The following HTR2C variants were observed in gnomAD, a reference collection of about 807,000 sequenced individuals.
HTR2C encodes 5-hydroxytryptamine (serotonin) receptor 2C, G protein-coupled.
In HTR2C, 5 loss-of-function variants were observed where a neutral mutation model predicts 21.0. The observed-to-expected ratio is 0.24, with a 90% CI of 0.12 to 0.50. The LOEUF (loss-of-function observed/expected upper bound fraction) is 0.50. Among genes scored for constraint, HTR2C ranks in the 20% least tolerant of loss-of-function variants. The pLI, the probability that HTR2C is intolerant of heterozygous loss-of-function variation, is 0.98. For synonymous variants in HTR2C, 150 were observed against 145.3 expected (o/e 1.03, Z -0.23); for missense variants, 271 against 371.2 (o/e 0.73, Z 2.22).
chrX:114,677,346 T>A (rs2147852558), intron 2 of HTR2C, among the ~76,000 whole-genome samples: 1 of 111,497 alleles, frequency 9.0e-6, no homozygotes, highest in South Asian at 3.8e-4. Context: ...AGGGCCTAGA[T>A]AAAAGGAAGA....
chrX:114,859,521 T>G (rs2070989964), intron 5 of HTR2C, among the ~76,000 whole-genome samples: 1 of 111,651 alleles, frequency 9.0e-6, no homozygotes, highest in Non-Finnish European at 1.9e-5. Flanking sequence ...ATCCTTTTAA[T>G]GTCTATATAA....
intron 2 of HTR2C, among the ~76,000 whole-genome samples, chrX:114,614,212 T>G (rs1296802680): frequency 9.0e-6 from 1 of 111,001 alleles, no homozygotes; most frequent in Non-Finnish European, 1.9e-5. Context: ...GTTAGCGAAG[T>G]TCAATTTTCT....
intron 2 of HTR2C, among the ~76,000 whole-genome samples, chrX:114,660,849 G>A (rs920967986): frequency 8.9e-6 from 1 of 111,791 alleles, no homozygotes; most frequent in African/African-American, 3.3e-5. Context: ...TATTTTGAAC[G>A]TTTGTGGCCT....
intron 4 of HTR2C, among the ~76,000 whole-genome samples, chrX:114,784,832 G>T (rs934327775): frequency 1.8e-5 from 2 of 109,995 alleles, no homozygotes; most frequent in Admixed American, 9.8e-5. Flanking sequence ...CGTTAGCCAG[G>T]ATGATCTCGA....
chrX:114,817,872 A>G (rs782138181), intron 4 of HTR2C, among the ~76,000 whole-genome samples: 1 of 111,733 alleles, frequency 8.9e-6, no homozygotes, highest in Non-Finnish European at 1.9e-5. Flanking sequence ...TCCTGATGCC[A>G]AAATCAAACA....
At chrX:114,709,713 C>G (rs968394376) in intron 2 of HTR2C, among the ~76,000 whole-genome samples, 3 of 111,337 alleles carry the variant, frequency 2.7e-5, no homozygotes, top group Admixed American at 9.6e-5. Context: ...TGCCTTTCTT[C>G]CTTCTGTTCT....
chrX:114,591,289 G>A (rs1927620664), intron 1 of HTR2C, among the ~76,000 whole-genome samples: 1 of 111,586 alleles, frequency 9.0e-6, no homozygotes, highest in Non-Finnish European at 1.9e-5. Context: ...AAGATCTGGT[G>A]TCTCTCCAAC....
At chrX:114,598,648 C>T (rs933969116) in intron 1 of HTR2C, among the ~76,000 whole-genome samples, 1 of 111,039 alleles carries the variant, frequency 9.0e-6, no homozygotes, top group Non-Finnish European at 1.9e-5. Context: ...AATTAATAGT[C>T]CAAATACCAT....
chrX:114,697,342 A>G (rs1347168541), intron 2 of HTR2C, among the ~76,000 whole-genome samples: 1 of 112,363 alleles, frequency 8.9e-6, no homozygotes, highest in Non-Finnish European at 1.9e-5. Context: ...ATTAGTTCAT[A>G]TTAATCCAAA....
chrX:114,769,775 G>GT (rs782276603), intron 4 of HTR2C, among the ~76,000 whole-genome samples: 3 of 109,986 alleles, frequency 2.7e-5, no homozygotes, highest in South Asian at 3.7e-4. Context: ...ATAGTTTTGT[G>GT]TTTTTTTTCA....
chrX:114,845,364 A>T (rs1328877834), intron 4 of HTR2C, among the ~76,000 whole-genome samples: 3 of 110,756 alleles, frequency 2.7e-5, no homozygotes, highest in African/African-American at 9.8e-5. Flanking sequence ...GGATGCATCA[A>T]AAGCTGCGCT....
chrX:114,644,354 AATAAATAAATATATATATATATATAT>A (rs1260223788), intron 2 of HTR2C, among the ~76,000 whole-genome samples: 11 of 18,652 alleles, frequency 5.9e-4, no homozygotes, highest in Non-Finnish European at 1.1e-3. Flanking sequence ...AAAATAAATA[AATAAATAAATATATATATATATATAT>A]ATATATATAT....
At chrX:114,721,667 T>C (rs1933222228) in intron 2 of HTR2C, among the ~76,000 whole-genome samples, 1 of 109,764 alleles carries the variant, frequency 9.1e-6, no homozygotes, top group African/African-American at 3.3e-5. Context: ...TGTTTAAATC[T>C]TTAATCCATC....
At chrX:114,826,999 C>G (rs1556458721) in intron 4 of HTR2C, among the ~76,000 whole-genome samples, 1 of 56,269 alleles carries the variant, frequency 1.8e-5, no homozygotes, top group Admixed American at 3.0e-4. Context: ...TACTATATTT[C>G]TTTGTACAGT....
At chrX:114,768,334 G>T (rs1482216243) in intron 4 of HTR2C, among the ~76,000 whole-genome samples, 1 of 110,707 alleles carries the variant, frequency 9.0e-6, no homozygotes, top group African/African-American at 3.3e-5. Flanking sequence ...AGCTGAATGT[G>T]AAAATATTTA....
At chrX:114,623,326 T>G (rs1556402146) in intron 2 of HTR2C, among the ~76,000 whole-genome samples, 1 of 112,224 alleles carries the variant, frequency 8.9e-6, no homozygotes, top group Non-Finnish European at 1.9e-5. Flanking sequence ...TAACTATTGT[T>G]TTCTTGCTAG....
At position 114,906,921 on chromosome X, in the gene HTR2C, C is replaced by G. The variant is rs200607550; in HGVS notation, c.883C>G (p.Arg295Gly). Residue 295 changes from arginine (R) to glycine (G), a missense_variant, in exon 6 of 6, where the codon CGT becomes GGT. By Grantham distance (125) the Arg-to-Gly change is moderately radical. Around this residue, in one of 5 missense-constraint regions of HTR2C, gnomAD observed 192 missense variants for 247.2 expected, o/e 0.78. Coordinates refer to ENST00000276198, the MANE Select transcript of HTR2C (RefSeq NM_000868.4). Reference protein sequence around the residue: ...NARRRKKKERRPRGTMQAINN... With the variant: ...NARRRKKKERGPRGTMQAINN... ...ACGCCGAAGAAAGAAGAAGGAGAGA[C>G]GTCCTAGGGGCACCATGCAGGCTAT... The G allele has an allele frequency of 1.3e-5, 16 of 1,210,520 alleles. No homozygotes were observed. The highest frequency in any genetic ancestry group is 1.5e-5 in the Non-Finnish European group (13 of 894,796).
At chrX:114,650,442 C>T (rs1930516412) in intron 2 of HTR2C, among the ~76,000 whole-genome samples, 1 of 111,522 alleles carries the variant, frequency 9.0e-6, no homozygotes, top group Non-Finnish European at 1.9e-5. Flanking sequence ...ATCATTTTGT[C>T]ACAGTGGTTC....
At chrX:114,674,768 T>C (rs942780591) in intron 2 of HTR2C, among the ~76,000 whole-genome samples, 3 of 111,765 alleles carry the variant, frequency 2.7e-5, no homozygotes, top group African/African-American at 6.5e-5. Context: ...ATGTAAGTTA[T>C]GGTTGAGTGT....
Sources: allele counts gnomAD v4.1 joint callset (sites outside exome capture counted in the v4.1 genomes callset), GRCh38; gene constraint gnomAD v4.1.1; regional missense constraint gnomAD v4.1.1; transcripts MANE v1.5; gene names NCBI Gene and HGNC (gene_info 2026-07-23, HGNC 2026-07-21).